DTX4: variants seen among roughly 807,000 people sequenced by gnomAD.
The protein encoded by DTX4 is deltex E3 ubiquitin ligase 4, also known as E3 ubiquitin-protein ligase DTX4.
DTX4 carries 28 observed loss-of-function variants against 57.6 expected under a neutral mutation model. The ratio of observed to expected loss-of-function variants is 0.49; its 90% CI spans 0.36 to 0.67. DTX4 has a LOEUF of 0.67. Among genes scored for constraint, DTX4 ranks in the 30% least tolerant of loss-of-function variants. DTX4 has a pLI of 0.00. For synonymous variants in DTX4, 316 were observed against 331.0 expected, an observed-to-expected ratio of 0.95 and a Z score of 0.49; for missense variants, 715 against 836.8, an observed-to-expected ratio of 0.85 and a Z score of 1.80.
chr11:59,203,732 C>A (rs1862766761), intron 8 of DTX4, among the ~76,000 whole-genome samples: 1 of 152,196 alleles, frequency 6.6e-6, no homozygotes, highest in South Asian at 2.1e-4. Context: ...TGTGAGATCA[C>A]CATTGCATAT....
chr11:59,183,096 C>T (rs1862486473), intron 2 of DTX4, among the ~76,000 whole-genome samples: 1 of 152,176 alleles, frequency 6.6e-6, no homozygotes. Context: ...AGTAGATGTT[C>T]GCTTGTTCAA....
Position 59,189,193 on chromosome 11 carries a change from G to A in DTX4, c.1029G>A (p.Gly343=), listed in dbSNP as rs1348178690. Residue 343 remains glycine (G), a synonymous_variant, in exon 4 of 9, where the codon GGG becomes GGA. Transcript: ENST00000227451. The stretch of plus-strand genomic sequence containing the variant: ...CTGGGATCCTCATGAGTGCAGCGGG[G>A]CTGCCTGTGTGTCTCACCAGGCCAC... ...GITGILMSAA[G]LPVCLTRPPK... 1.2e-6 allele frequency: 2 copies of A among 1,613,672 alleles called. No homozygotes were observed. Among genetic ancestry groups the A allele is most frequent in the South Asian group, 1.1e-5 (1 of 91,020 alleles).
Position 59,204,676 on chromosome 11 carries a change from G to A in DTX4, c.1627G>A (p.Val543Ile), listed in dbSNP as rs778778444. The A allele has an allele frequency of 1.2e-6, 2 of 1,611,628 alleles. No individual in the cohort carries two copies. Among genetic ancestry groups the A allele is most frequent in the South Asian group, 2.2e-5 (2 of 90,472 alleles). ...TCATGTCCCACTTTTATCCCTCTAG[G>A]TTCTGAAGCTGCTGCTCGTGGCCTG... ...YLPDSEKGRK[V>I]LKLLLVAWDR... Residue 543 changes from valine (V) to isoleucine (I), a missense_variant and splice_region_variant, in exon 9 of 9, where the codon GTT becomes ATT. Physicochemically the swap from Val to Ile is conservative, Grantham distance 29. Coordinates refer to ENST00000227451, the MANE Select transcript of DTX4 (RefSeq NM_015177.2).
chr11:59,201,616 C>T (rs72919150), intron 8 of DTX4, among the ~76,000 whole-genome samples: 2,096 of 152,312 alleles, frequency 0.014, 29 homozygotes, highest in Middle Eastern at 0.024. Context: ...TATGGTCTCC[C>T]CCTACAGGTG....
intron 7 of DTX4, among the ~76,000 whole-genome samples, chr11:59,198,664 G>A (rs779731405): frequency 1.2e-4 from 18 of 152,078 alleles, no homozygotes; most frequent in Admixed American, 3.3e-4. Flanking sequence ...TTCCACACTC[G>A]TTCATTTATT....
chr11:59,184,263 C>A (rs1047159938), intron 2 of DTX4, among the ~76,000 whole-genome samples: 2 of 152,168 alleles, frequency 1.3e-5, no homozygotes, highest in African/African-American at 4.8e-5. Flanking sequence ...GGTAAGAACC[C>A]GTCCTCCAGA....
At chr11:59,189,882 G>T (rs1230246113) in intron 4 of DTX4, among the ~76,000 whole-genome samples, 1 of 152,088 alleles carries the variant, frequency 6.6e-6, no homozygotes, top group Admixed American at 6.6e-5. Context: ...GCAAATAAGG[G>T]GTCAATATCT....
intron 6 of DTX4, among the ~76,000 whole-genome samples, chr11:59,194,215 T>C (rs978846869): frequency 6.6e-6 from 1 of 152,178 alleles, no homozygotes; most frequent in Non-Finnish European, 1.5e-5. Context: ...TTTTCCTCTC[T>C]ACAAAAAGGG....
intron 4 of DTX4, among the ~76,000 whole-genome samples, chr11:59,189,810 C>T (rs777420033): frequency 1.3e-5 from 2 of 152,188 alleles, no homozygotes; most frequent in Non-Finnish European, 2.9e-5. Flanking sequence ...CCCCTAGAAC[C>T]TACAGAAATC....
At chr11:59,171,624 C>T (rs1311903311), upstream of DTX4, 1 of 152,242 alleles carries the variant, frequency 6.6e-6, no homozygotes, top group Non-Finnish European at 1.5e-5. Flanking sequence ...CCAGGGCACT[C>T]GCCCGAGCAG....
chr11:59,192,121 C>T lies in DTX4; in HGVS notation c.1245C>T (p.Arg415=), dbSNP rs747460993. ...AGGACTGCACCATCTGTATGGAACG[C>T]CTCACGGCCCCCTCAGGCTACAAGG... ...PDEDCTICME[R]LTAPSGYKGP... Residue 415 remains arginine (R), a synonymous_variant, in exon 6 of 9, where the codon CGC becomes CGT. Coordinates refer to ENST00000227451, the MANE Select transcript of DTX4 (RefSeq NM_015177.2). 2.5e-6 allele frequency: 4 copies of T among 1,613,550 alleles called. No individual in the cohort carries two copies. In the East Asian group the frequency reaches 8.9e-5, roughly 36 times the overall value.
rs1029470307 is a variant in DTX4 at position 59,192,010 on chromosome 11, G to A, written c.1222-88G>A. On this transcript the variant is annotated intron_variant, in intron 5 of 8. Transcript: ENST00000227451. ...GGGTGTTTTAGAAGAGAAGTGGTAA[G>A]AGCTCATCTGACCTCTGAGATCATG... is the stretch of plus-strand genomic sequence containing the variant. 1.1e-5 allele frequency: 16 copies of A among 1,467,034 alleles called. No homozygotes were observed. In the African/African-American group the frequency reaches 2.2e-4, roughly 21 times the overall value. 90.9% of individuals were successfully genotyped at this position (1,467,034 alleles called of 1,614,324 possible). A position where few individuals can be genotyped will look rare whatever the true frequency, so the allele number is the denominator to read the frequency against.
chr11:59,186,229 C>G (rs1201725106), intron 2 of DTX4, among the ~76,000 whole-genome samples: 1 of 152,182 alleles, frequency 6.6e-6, no homozygotes, highest in Non-Finnish European at 1.5e-5. Context: ...GCCCTTCCCT[C>G]CCTCTCTCCA....
Position 59,178,390 on chromosome 11 carries a change from C to G in DTX4, c.212-3349C>G, listed in dbSNP as rs519287. ...GTTGGCATTCTCCTTGTGATACGTT[C>G]TGCCTCATAAATAGTCATTCACACA... is the stretch of plus-strand genomic sequence containing the variant. On this transcript the variant is annotated intron_variant, in intron 1 of 8. Coordinates refer to ENST00000227451, the MANE Select transcript of DTX4 (RefSeq NM_015177.2). 8.6e-3 allele frequency among the ~76,000 whole-genome samples: 1,306 copies of G among 152,340 alleles called. 22 individuals carry two copies. Among genetic ancestry groups the G allele is most frequent in the African/African-American group, 0.03 (1,229 of 41,552 alleles).
intron 8 of DTX4, among the ~76,000 whole-genome samples, chr11:59,201,403 G>A (rs1390711155): frequency 6.6e-6 from 1 of 152,172 alleles, no homozygotes; most frequent in Non-Finnish European, 1.5e-5. Flanking sequence ...CCCTCCTGTG[G>A]CCCATGCCCT....
At chr11:59,187,697 AGT>A (rs1272574069) in intron 2 of DTX4, among the ~76,000 whole-genome samples, 2 of 151,982 alleles carry the variant, frequency 1.3e-5, no homozygotes, top group Non-Finnish European at 2.9e-5. Context: ...CAGCTGCAGG[AGT>A]GTGGGTGACA....
At chr11:59,188,623 C>A in intron 2 of DTX4, 112 bp from the exon 3 acceptor site, 1 of 861,810 alleles carries the variant, frequency 1.2e-6, no homozygotes, top group Non-Finnish European at 1.9e-6. Context: ...GAAGATGTCA[C>A]TTCCTGCTGT....
chr11:59,178,138 C>A (rs1444046248), intron 1 of DTX4, among the ~76,000 whole-genome samples: 1 of 152,010 alleles, frequency 6.6e-6, no homozygotes, highest in Non-Finnish European at 1.5e-5. Context: ...GGAAAAGATG[C>A]CAGAGTTTTG....
At chr11:59,192,320 C>T (rs546220838) in intron 6 of DTX4, 70 bp downstream of exon 6, 2 of 1,562,218 alleles carry the variant, frequency 1.3e-6, no homozygotes, top group South Asian at 1.1e-5. Context: ...TGGTGAAGGC[C>T]CTTTAGGGCC....
Sources: gnomAD v4.1 joint callset for allele counts (sites outside exome capture counted in the v4.1 genomes callset) on GRCh38, gnomAD v4.1.1 for gene constraint, MANE v1.5 for transcripts, NCBI Gene and HGNC (gene_info 2026-07-23, HGNC 2026-07-21) for gene names.